GLT8D2: variants seen among roughly 807,000 people sequenced by gnomAD.
The protein encoded by GLT8D2 is glycosyltransferase 8 domain containing 2.
A neutral mutation model predicts 44.5 loss-of-function variants in GLT8D2; 45 were observed. The observed-to-expected ratio is 1.01, with a 90% CI of 0.80 to 1.30. GLT8D2 has a LOEUF of 1.30. Ranked by LOEUF, GLT8D2 falls within the 50% of genes most tolerant of loss-of-function variation. The probability of loss-of-function intolerance (pLI) is 0.00; values close to 1 mark genes in which losing one functional copy is unlikely to be tolerated. For missense variants in GLT8D2, 400 were observed against 430.4 expected, an observed-to-expected ratio of 0.93 and a Z score of 0.62; for synonymous variants, 156 against 157.2, an observed-to-expected ratio of 0.99 and a Z score of 0.06.
At chr12:104,007,060 G>A (rs1452598527) in intron 4 of GLT8D2, among the ~76,000 whole-genome samples, 1 of 152,136 alleles carries the variant, frequency 6.6e-6, no homozygotes, top group Non-Finnish European at 1.5e-5. Flanking sequence ...CATGACTAAT[G>A]CACAAGATAA....
chr12:104,035,128 A>G (rs983884565), intron 1 of GLT8D2, among the ~76,000 whole-genome samples: 1 of 152,250 alleles, frequency 6.6e-6, no homozygotes, highest in Non-Finnish European at 1.5e-5. Flanking sequence ...CAACACCAAC[A>G]AAAAGGACAT....
At chr12:103,993,285 C>G (rs1446104016) in intron 10 of GLT8D2, 107 bp downstream of exon 10, 1 of 827,830 alleles carries the variant, frequency 1.2e-6, no homozygotes, top group Non-Finnish European at 2.0e-6. Flanking sequence ...GAGCCGAGAT[C>G]ACGCCATTGC....
intron 5 of GLT8D2, among the ~76,000 whole-genome samples, chr12:104,000,905 C>T (rs1308744916): frequency 6.6e-6 from 1 of 152,202 alleles, no homozygotes; most frequent in African/African-American, 2.4e-5. Flanking sequence ...GATGGCACCA[C>T]TACAAAAACA....
At chr12:104,010,299 C>T (rs1352618386) in intron 4 of GLT8D2, among the ~76,000 whole-genome samples, 1 of 152,214 alleles carries the variant, frequency 6.6e-6, no homozygotes, top group Non-Finnish European at 1.5e-5. Flanking sequence ...GTTCCCTGAA[C>T]ACTACTCTTA....
chr12:104,007,540 T>C (rs1187779501), intron 4 of GLT8D2, among the ~76,000 whole-genome samples: 1 of 152,176 alleles, frequency 6.6e-6, no homozygotes, highest in Non-Finnish European at 1.5e-5. Flanking sequence ...TTTACTGACA[T>C]GAGAGAATGC....
At chr12:104,010,868 G>A (rs987088486) in intron 4 of GLT8D2, among the ~76,000 whole-genome samples, 1 of 152,226 alleles carries the variant, frequency 6.6e-6, no homozygotes, top group African/African-American at 2.4e-5. Context: ...TGAGGAATAA[G>A]AGGGAAGGGT....
At chr12:104,035,220 C>G (rs1428796295) in intron 1 of GLT8D2, among the ~76,000 whole-genome samples, 1 of 152,174 alleles carries the variant, frequency 6.6e-6, no homozygotes, top group Non-Finnish European at 1.5e-5. Flanking sequence ...GAAACCAGAG[C>G]AGAAAAGCTG....
intron 8 of GLT8D2, 82 bp from the exon 9 acceptor site, chr12:103,994,583 G>T (rs1405215418): frequency 1.5e-6 from 2 of 1,328,384 alleles, no homozygotes; most frequent in East Asian, 2.4e-5. Context: ...AAACCCTTGT[G>T]CAGTATCTTT....
intron 4 of GLT8D2, among the ~76,000 whole-genome samples, chr12:104,005,495 C>T (rs1275345641): frequency 6.6e-6 from 1 of 152,034 alleles, no homozygotes; most frequent in African/African-American, 2.4e-5. Context: ...TGACAAAGGG[C>T]TAATAGCCAG....
At chr12:104,033,284 T>C (rs1304010502) in intron 1 of GLT8D2, among the ~76,000 whole-genome samples, 1 of 152,170 alleles carries the variant, frequency 6.6e-6, no homozygotes, top group Non-Finnish European at 1.5e-5. Flanking sequence ...TGTGTGTATG[T>C]AGACATATAT....
At chr12:103,991,106 G>C (rs1200955882) in intron 10 of GLT8D2, among the ~76,000 whole-genome samples, 1 of 152,150 alleles carries the variant, frequency 6.6e-6, no homozygotes, top group African/African-American at 2.4e-5. Context: ...AGCACAGATG[G>C]AAGCTCTGTC....
At chr12:104,015,450 T>C (rs191473080) in intron 3 of GLT8D2, among the ~76,000 whole-genome samples, 135 of 139,758 alleles carry the variant, frequency 9.7e-4, no homozygotes, top group African/African-American at 3.4e-3. Flanking sequence ...TAGCTGGGCG[T>C]GGTGGCATGC....
intron 2 of GLT8D2, among the ~76,000 whole-genome samples, chr12:104,020,630 A>G (rs140841592): frequency 5.5e-4 from 84 of 152,316 alleles, no homozygotes; most frequent in Non-Finnish European, 9.6e-4. Context: ...AGCAAAGGAG[A>G]TGTTGGGATA....
intron 9 of GLT8D2, chr12:103,993,835 G>T (rs1873076486): frequency 4.8e-6 from 1 of 208,672 alleles, no homozygotes; most frequent in South Asian, 1.3e-4. Flanking sequence ...GGTTATGATG[G>T]TATTAAAATA....
intron 4 of GLT8D2, chr12:104,012,866 A>G: frequency 2.9e-6 from 2 of 692,336 alleles, no homozygotes; most frequent in Non-Finnish European, 5.3e-6. Context: ...ACAGAGGGTC[A>G]CAGCCAGGAA....
intron 1 of GLT8D2, among the ~76,000 whole-genome samples, chr12:104,024,541 G>A (rs982024008): frequency 6.6e-6 from 1 of 152,194 alleles, no homozygotes; most frequent in Admixed American, 6.5e-5. Flanking sequence ...GTTGCTCTGT[G>A]TTCTTGTCAG....
At chr12:104,001,954 G>A (rs1874274712) in intron 5 of GLT8D2, among the ~76,000 whole-genome samples, 1 of 152,114 alleles carries the variant, frequency 6.6e-6, no homozygotes, top group Admixed American at 6.6e-5. Context: ...GATTACAGGA[G>A]TTAGCCACTG....
intron 1 of GLT8D2, among the ~76,000 whole-genome samples, chr12:104,039,975 G>A (rs543280388): frequency 1.1e-3 from 170 of 152,264 alleles, no homozygotes; most frequent in African/African-American, 3.8e-3. Flanking sequence ...CATAAAAAAG[G>A]TGAGCTCACA....
At chr12:104,022,554 A>G (rs1392914023) in intron 1 of GLT8D2, among the ~76,000 whole-genome samples, 1 of 152,174 alleles carries the variant, frequency 6.6e-6, no homozygotes, top group African/African-American at 2.4e-5. Context: ...ATAGTCTTAC[A>G]GGACTTATAT....
Sources: gnomAD v4.1 joint callset for allele counts (sites outside exome capture counted in the v4.1 genomes callset) on GRCh38, gnomAD v4.1.1 for gene constraint, MANE v1.5 for transcripts, NCBI Gene and HGNC (gene_info 2026-07-23, HGNC 2026-07-21) for gene names.